AGK: variants seen among roughly 807,000 people sequenced by gnomAD.
AGK encodes the protein acylglycerol kinase, also known as acylglycerol kinase, mitochondrial.
Under a neutral mutation model 66.4 loss-of-function variants are expected in AGK, and 52 were observed. That is an observed-to-expected ratio of 0.78 (90% CI 0.63 to 0.99). The LOEUF (loss-of-function observed/expected upper bound fraction) is 0.99, where lower values mean the gene tolerates loss of function less well. Among genes scored for constraint, AGK ranks in the 50% least tolerant of loss-of-function variants. AGK has a pLI of 0.00. For missense variants in AGK, 451 were observed against 506.6 expected, an observed-to-expected ratio of 0.89 and a Z score of 1.05; for synonymous variants, 182 against 181.1, an observed-to-expected ratio of 1.00 and a Z score of -0.04.
At chr7:141,635,604 C>T (rs1797153388) in intron 10 of AGK, among the ~76,000 whole-genome samples, 1 of 152,174 alleles carries the variant, frequency 6.6e-6, no homozygotes, top group African/African-American at 2.4e-5. Context: ...CCAGGCCCAA[C>T]TTACTCTGTC....
intron 2 of AGK, among the ~76,000 whole-genome samples, chr7:141,588,601 G>A (rs1796041948): frequency 6.6e-6 from 1 of 151,466 alleles, no homozygotes; most frequent in Non-Finnish European, 1.5e-5. Flanking sequence ...GGGGGACAGA[G>A]TGATACTTCG....
chr7:141,607,501 G>T (rs10251468), intron 5 of AGK, among the ~76,000 whole-genome samples: 1 of 151,976 alleles, frequency 6.6e-6, no homozygotes, highest in African/African-American at 2.4e-5. Context: ...GTTTCTTTTT[G>T]TTGAGTTTTA....
At chr7:141,596,847 T>C in intron 4 of AGK, 1 of 548,212 alleles carries the variant, frequency 1.8e-6, no homozygotes, top group East Asian at 3.0e-5. Context: ...CTTGTCTAAT[T>C]GAAGTTTAAT....
chr7:141,590,035 TAATA>T (rs1173541849), intron 2 of AGK, among the ~76,000 whole-genome samples: 2 of 152,218 alleles, frequency 1.3e-5, no homozygotes, highest in Non-Finnish European at 2.9e-5. Context: ...TAATCAAAAT[TAATA>T]AACTCAGGAG....
At chr7:141,586,790 A>G (rs1400282852) in intron 2 of AGK, among the ~76,000 whole-genome samples, 1 of 152,140 alleles carries the variant, frequency 6.6e-6, no homozygotes, top group Non-Finnish European at 1.5e-5. Context: ...TTCCTCAGTT[A>G]TCTACCTGAT....
chr7:141,595,703 T>C (rs1407025383), intron 3 of AGK, among the ~76,000 whole-genome samples: 1 of 152,186 alleles, frequency 6.6e-6, no homozygotes, highest in Non-Finnish European at 1.5e-5. Context: ...ACTTTCCTAT[T>C]CTTTTTGTTG....
At chr7:141,608,913 G>A (rs2116949022) in intron 5 of AGK, among the ~76,000 whole-genome samples, 1 of 152,274 alleles carries the variant, frequency 6.6e-6, no homozygotes, top group Non-Finnish European at 1.5e-5. Flanking sequence ...CTTGGCCTTA[G>A]TGAGAACACA....
chr7:141,649,185 C>A, intron 13 of AGK, 78 bp from the exon 14 acceptor site: 2 of 845,392 alleles, frequency 2.4e-6, no homozygotes, highest in Admixed American at 1.8e-5. Flanking sequence ...AACTATGAAC[C>A]ATCAAAGCTG....
In AGK at chr7:141,652,909, AAGCCCCACCC is replaced by A; in HGVS notation, c.1257_1266del (p.Pro420GlufsTer66). The A allele has an allele frequency of 6.2e-7, 1 of 1,614,012 alleles. No homozygotes were observed. The highest frequency in any genetic ancestry group is 8.5e-7 in the Non-Finnish European group (1 of 1,179,998). ...CTAGGAAGAGAGAACAGATGCTCAC[AAGCCCCACCC>A]AGTGAGCAGCAGAAGACAAGCACTC... On this transcript the variant is annotated frameshift_variant, in exon 16 of 16. Coordinates refer to ENST00000649286, the MANE Select transcript of AGK (RefSeq NM_018238.4). LOFTEE classifies it high-confidence loss of function.
intron 2 of AGK, among the ~76,000 whole-genome samples, chr7:141,576,578 GGATACTA>G (rs1226654890): frequency 2.0e-5 from 3 of 148,678 alleles, no homozygotes; most frequent in African/African-American, 7.5e-5. Context: ...AGAACTGGTG[GGATACTA>G]GATACTAGAT....
At chr7:141,564,145 G>A (rs1221496847) in intron 2 of AGK, among the ~76,000 whole-genome samples, 4 of 152,088 alleles carry the variant, frequency 2.6e-5, no homozygotes, top group African/African-American at 4.8e-5. Context: ...TTTTGAATAG[G>A]TTCTCTCTGC....
intron 3 of AGK, chr7:141,593,402 CTGTT>C (rs779555377): frequency 1.7e-5 from 12 of 703,218 alleles, no homozygotes; most frequent in South Asian, 5.9e-5. Context: ...CCCCTATAGA[CTGTT>C]TGTTTCTGGA....
At chr7:141,588,617 GA>G (rs80157616) in intron 2 of AGK, among the ~76,000 whole-genome samples, 235 of 139,444 alleles carry the variant, frequency 1.7e-3, no homozygotes, top group Non-Finnish European at 1.9e-3. Context: ...CTTCGCCTCG[GA>G]AAAAAAAAAA....
chr7:141,555,538 G>T lies in AGK; in HGVS notation c.72G>T (p.Trp24Cys). The T allele has an allele frequency of 6.2e-7, 1 of 1,613,990 alleles. No homozygotes were observed. The highest frequency in any genetic ancestry group is 2.2e-5 in the East Asian group (1 of 44,878). The change falls in exon 2 of 16, where the codon TGG becomes TGT. Residue 24 changes from tryptophan (W) to cysteine (C), a missense_variant. Transcript: ENST00000649286. This position sits in a 1 kb window ranked among gnomAD's most constrained non-coding sequence, Gnocchi z 4.2. ...KTTAGLCLLT[W>C]GGHWLYGKHC... The stretch of plus-strand genomic sequence containing the variant: ...CAGCTGGGCTCTGCCTGCTGACCTG[G>T]GGAGGCCATTGGCTCTATGGAAAAC...
intron 2 of AGK, among the ~76,000 whole-genome samples, chr7:141,579,400 T>C (rs1402902192): frequency 6.6e-6 from 1 of 151,924 alleles, no homozygotes; most frequent in East Asian, 1.9e-4. Context: ...TTGGACTGTA[T>C]AGAGGTGGGA....
chr7:141,619,899 G>C (rs1796787995), intron 8 of AGK, among the ~76,000 whole-genome samples: 1 of 152,178 alleles, frequency 6.6e-6, no homozygotes, highest in Non-Finnish European at 1.5e-5. Context: ...AATATTTATA[G>C]TAGCTTGATT....
Position 141,582,201 on chromosome 7 carries a change from G to A in AGK, c.102-10945G>A, listed in dbSNP as rs570380580. Among the ~76,000 whole-genome samples the A allele has an allele frequency of 5.9e-5, 9 of 152,084 alleles. No individual in the cohort carries two copies. In the South Asian group the frequency reaches 8.3e-4, roughly 14 times the overall value. On this transcript the variant is annotated intron_variant, in intron 2 of 15. Transcript: ENST00000649286. ...TGGGACATAGCTTAGGAGGAATCCC[G>A]GGCTGCGGACATTCCTTGGCCCAGT...
chr7:141,552,732 CCTT>C lies in AGK; in HGVS notation c.-15+1304_-15+1306del, dbSNP rs1263255626. 4.6e-5 allele frequency among the ~76,000 whole-genome samples: 7 copies of C among 152,310 alleles called. 1 individual carries two copies. In the South Asian group the frequency reaches 1.0e-3, roughly 23 times the overall value. ...AGCAGGCCATAAAAGAATTGTTTGA[CCTT>C]CTTCTGTATAAGACCCTTCAGTGAG... On this transcript the variant is annotated intron_variant, in intron 1 of 15. Transcript: ENST00000649286.
At chr7:141,626,252 T>A (rs1470607643) in intron 9 of AGK, among the ~76,000 whole-genome samples, 2 of 152,182 alleles carry the variant, frequency 1.3e-5, no homozygotes, top group Non-Finnish European at 2.9e-5. Flanking sequence ...CAATGATGGA[T>A]CATAAGCCTT....
Sources: gnomAD v4.1 joint callset for allele counts (sites outside exome capture counted in the v4.1 genomes callset) on GRCh38, gnomAD v4.1.1 for gene constraint, Gnocchi (gnomAD v3.1) non-coding constraint, MANE v1.5 for transcripts, NCBI Gene and HGNC (gene_info 2026-07-23, HGNC 2026-07-21) for gene names.